LMF1: variants seen among roughly 807,000 people sequenced by gnomAD.
LMF1 encodes the protein transmembrane protein 112.
A neutral mutation model predicts 60.6 loss-of-function variants in LMF1; 68 were observed. The observed-to-expected ratio is 1.12, with a 90% CI of 0.92 to 1.37. LMF1 has a LOEUF of 1.37. Ranked by LOEUF, LMF1 falls within the 40% of genes most tolerant of loss-of-function variation. LMF1 has a pLI of 0.00. For synonymous variants in LMF1, 418 were observed against 324.7 expected (o/e 1.29, Z -3.09); for missense variants, 948 against 767.2 (o/e 1.24, Z -2.78).
chr16:976,005 T>C (rs1249295186), intron 1 of LMF1: 13 of 452,690 alleles, frequency 2.9e-5, no homozygotes, highest in Non-Finnish European at 4.0e-5. Context: ...TCTGTGGACA[T>C]TCTGGGCAAG....
At chr16:978,552 T>C (rs763141997) in intron 1 of LMF1, among the ~76,000 whole-genome samples, 2 of 152,118 alleles carry the variant, frequency 1.3e-5, no homozygotes. Context: ...ACAAATGTCA[T>C]CTACACCAGC....
In LMF1 at chr16:853,684, C is replaced by T. The variant is rs1241499689; in HGVS notation, c.*848G>A. ...TAATAGGAATAGTAGAAGAATATGC[C>T]ATAGCTATGGCTCAAGAATAGGAAT... On this transcript the variant is annotated 3_prime_UTR_variant, in exon 11 of 11. Transcript: ENST00000262301. 2.2e-6 allele frequency: 1 copy of T among 454,072 alleles called. No homozygotes were observed. Among genetic ancestry groups the T allele is most frequent in the East Asian group, 7.0e-5 (1 of 14,386 alleles). 28.1% of individuals were successfully genotyped at this position (454,072 alleles called of 1,614,324 possible). A position where few individuals can be genotyped will look rare whatever the true frequency, so the allele number is the denominator to read the frequency against.
intron 5 of LMF1, among the ~76,000 whole-genome samples, chr16:882,846 C>T (rs530118263): frequency 4.1e-4 from 60 of 146,158 alleles, no homozygotes; most frequent in African/African-American, 1.2e-3. Context: ...AAAGAGAAGC[C>T]GCCCAGCGGA....
At chr16:950,437 ACAACGACAGAGTCAGC>A (rs1295904644) in intron 2 of LMF1, among the ~76,000 whole-genome samples, 9 of 81,182 alleles carry the variant, frequency 1.1e-4, no homozygotes, top group East Asian at 3.2e-4. Context: ...AGAGTTAGAG[ACAACGACAGAGTCAGC>A]CAACGACAGA....
intron 6 of LMF1, chr16:872,894 G>A (rs961823427): frequency 6.6e-6 from 1 of 152,274 alleles, no homozygotes; most frequent in Non-Finnish European, 1.5e-5. Context: ...CAGGAGCTTT[G>A]AGGAACACCC....
At chr16:856,165 C>T (rs924721573) in intron 10 of LMF1, 2 of 362,640 alleles carry the variant, frequency 5.5e-6, no homozygotes, top group Non-Finnish European at 1.1e-5. Flanking sequence ...GGCTCCCGTC[C>T]ACTCCAGGAG....
chr16:976,824 G>A (rs569652674), intron 1 of LMF1: 67 of 454,146 alleles, frequency 1.5e-4, no homozygotes, highest in African/African-American at 1.2e-3. Context: ...TTTGGGCATC[G>A]CCTGCTCCCT....
intron 3 of LMF1, chr16:921,236 C>G (rs1180776002): frequency 6.6e-6 from 1 of 152,288 alleles, no homozygotes; most frequent in African/African-American, 2.4e-5. Flanking sequence ...AGGAAGCTTC[C>G]CTAATATCAC....
chr16:857,495 T>A (rs533217382), intron 10 of LMF1, among the ~76,000 whole-genome samples: 8 of 92,500 alleles, frequency 8.6e-5, no homozygotes, highest in African/African-American at 3.5e-4. Flanking sequence ...ACCGGACGGG[T>A]GTGAGTGGTG....
At chr16:889,174 CTTG>C (rs1043121462) in intron 5 of LMF1, among the ~76,000 whole-genome samples, 2 of 152,232 alleles carry the variant, frequency 1.3e-5, no homozygotes, top group African/African-American at 2.4e-5. Context: ...AAGCCACAGG[CTTG>C]TTGTCAGGAG....
Position 871,240 on chromosome 16 carries a change from G to A in LMF1, c.999C>T (p.Pro333=), listed in dbSNP as rs555928592. The part of the protein sequence containing the change: ...FDDATLGFLF[P]SGPGSLKDRV... ...GGTCCTTCAGGCTGCCTGGCCCAGA[G>A]GGGAACAAGAATCCCAGGGTGGCGT... Residue 333 remains proline (P), a synonymous_variant, in exon 7 of 11, where the codon CCC becomes CCT. Transcript: ENST00000262301. 4 of 1,612,366 alleles carry A rather than the reference G, an allele frequency of 2.5e-6. No individual in the cohort carries two copies. The highest frequency in any genetic ancestry group is 4.5e-5 in the East Asian group (2 of 44,880).
intron 1 of LMF1, among the ~76,000 whole-genome samples, chr16:960,504 T>C (rs1396382552): frequency 2.9e-5 from 4 of 137,502 alleles, no homozygotes; most frequent in African/African-American, 1.1e-4. Flanking sequence ...CAACACTGGA[T>C]CACAACCCAG....
At chr16:926,169 CGT>C (rs1159890360) in intron 3 of LMF1, among the ~76,000 whole-genome samples, 2 of 151,446 alleles carry the variant, frequency 1.3e-5, no homozygotes, top group Non-Finnish European at 2.9e-5. Flanking sequence ...TGTGCATACG[CGT>C]GTGCACACAT....
At chr16:913,377 C>G (rs533961997) in intron 3 of LMF1, among the ~76,000 whole-genome samples, 2 of 152,364 alleles carry the variant, frequency 1.3e-5, no homozygotes, top group South Asian at 4.1e-4. Context: ...AGCGTTGGCC[C>G]AATCAGCGGA....
At chr16:978,638 C>T (rs976166866) in intron 1 of LMF1, among the ~76,000 whole-genome samples, 21 of 152,170 alleles carry the variant, frequency 1.4e-4, no homozygotes, top group African/African-American at 4.8e-4. Flanking sequence ...TTGAAACGTA[C>T]ACTCCCCCTG....
chr16:922,799 T>G (rs578095304), intron 3 of LMF1, among the ~76,000 whole-genome samples: 5 of 112,168 alleles, frequency 4.5e-5, no homozygotes, highest in South Asian at 7.3e-4. Flanking sequence ...TTTTCGGGTG[T>G]GATGTGGTGT....
rs1268378373 is a variant in LMF1 at position 962,445 on chromosome 16, G to A, written c.194-7779C>T. The stretch of plus-strand genomic sequence containing the variant: ...GCGGCTTCCAGAGGACAGAGCGGGC[G>A]GGAAAGCAGGGACCTGTCAGAGGGC... On this transcript the variant is annotated intron_variant, in intron 1 of 10. Transcript: ENST00000262301. This position sits in a 1 kb window ranked among gnomAD's most constrained non-coding sequence, Gnocchi z 4.5. Among the ~76,000 whole-genome samples the A allele has an allele frequency of 1.4e-5, 2 of 145,992 alleles. No individual in the cohort carries two copies. The highest frequency in any genetic ancestry group is 2.3e-4 in the South Asian group (1 of 4,352).
intron 3 of LMF1, among the ~76,000 whole-genome samples, chr16:920,174 C>A (rs1421303272): frequency 6.6e-6 from 1 of 151,884 alleles, no homozygotes. Flanking sequence ...GTCCGTCGTC[C>A]CCCAACATGA....
chr16:967,431 TG>T (rs1343930382), intron 1 of LMF1, among the ~76,000 whole-genome samples: 2 of 152,184 alleles, frequency 1.3e-5, no homozygotes, highest in African/African-American at 4.8e-5. Flanking sequence ...TGCCCACTCT[TG>T]GGTTCGGTTT....
Sources: gnomAD v4.1 joint callset for allele counts (sites outside exome capture counted in the v4.1 genomes callset) on GRCh38, gnomAD v4.1.1 for gene constraint, Gnocchi (gnomAD v3.1) non-coding constraint, MANE v1.5 for transcripts, NCBI Gene and HGNC (gene_info 2026-07-23, HGNC 2026-07-21) for gene names.